Variants in KCNIP4 observed in about 807,000 individuals in gnomAD.
KCNIP4 encodes the protein potassium voltage-gated channel interacting protein 4, also known as Kv channel-interacting protein 4.
KCNIP4 carries 12 observed loss-of-function variants against 34.0 expected under a neutral mutation model. That is an observed-to-expected ratio of 0.35 (90% CI 0.23 to 0.57). The LOEUF (loss-of-function observed/expected upper bound fraction) is 0.57, where lower values mean the gene tolerates loss of function less well. Ranked by LOEUF, KCNIP4 falls within the 20% of genes least tolerant of loss-of-function variation. The probability of loss-of-function intolerance (pLI) is 0.83; values close to 1 mark genes in which losing one functional copy is unlikely to be tolerated. For missense variants in KCNIP4, 238 were observed against 311.7 expected (o/e 0.76, Z 1.78); for synonymous variants, 124 against 102.2 (o/e 1.21, Z -1.29).
chr4:21,629,849 C>CTTTTTTTTTTTTTTTTTTTTTTTTTTTTT (rs5856652), intron 1 of KCNIP4, among the ~76,000 whole-genome samples: 1 of 87,802 alleles, frequency 1.1e-5, no homozygotes, highest in Non-Finnish European at 2.0e-5. Flanking sequence ...CTTTTTCTTT[C>CTTTTTTTTTTTTTTTTTTTTTTTTTTTTT]TTTTTTTTTT....
At chr4:21,427,315 A>T (rs1387821736) in intron 1 of KCNIP4, among the ~76,000 whole-genome samples, 1 of 100,738 alleles carries the variant, frequency 9.9e-6, no homozygotes, top group Non-Finnish European at 2.1e-5. Flanking sequence ...ATAAATATGT[A>T]AAAAAAAAAA....
At chr4:20,754,719 T>A (rs983832451) in intron 4 of KCNIP4, among the ~76,000 whole-genome samples, 1 of 152,176 alleles carries the variant, frequency 6.6e-6, no homozygotes, top group Admixed American at 6.5e-5. Flanking sequence ...TCCCTTTGGA[T>A]TTTGTGATAG....
intron 1 of KCNIP4, among the ~76,000 whole-genome samples, chr4:21,130,315 T>C (rs1750964942): frequency 6.6e-6 from 1 of 152,204 alleles, no homozygotes; most frequent in Non-Finnish European, 1.5e-5. Flanking sequence ...CATAGCTGTG[T>C]TTGAGAATCA....
chr4:21,560,496 A>G (rs1739423153), intron 1 of KCNIP4, among the ~76,000 whole-genome samples: 1 of 152,100 alleles, frequency 6.6e-6, no homozygotes, highest in Non-Finnish European at 1.5e-5. Flanking sequence ...AAGCCAAATA[A>G]TCTTAGCACT....
At chr4:20,865,253 A>C (rs1722751941) in intron 2 of KCNIP4, among the ~76,000 whole-genome samples, 1 of 152,078 alleles carries the variant, frequency 6.6e-6, no homozygotes, top group African/African-American at 2.4e-5. Context: ...GGGAACATAA[A>C]GTTGAAAAAC....
chr4:21,686,884 G>C (rs1386313110), intron 1 of KCNIP4, among the ~76,000 whole-genome samples: 1 of 150,754 alleles, frequency 6.6e-6, no homozygotes, highest in Non-Finnish European at 1.5e-5. Context: ...GTTTATTGCG[G>C]CATTATTCAC....
chr4:21,197,160 G>A (rs1019803200), intron 1 of KCNIP4, among the ~76,000 whole-genome samples: 1 of 152,138 alleles, frequency 6.6e-6, no homozygotes, highest in Non-Finnish European at 1.5e-5. Context: ...TTCTATTGCA[G>A]TGGGTGTCTG....
intron 1 of KCNIP4, among the ~76,000 whole-genome samples, chr4:21,038,251 A>T (rs1489587844): frequency 6.6e-6 from 1 of 152,236 alleles, no homozygotes; most frequent in Non-Finnish European, 1.5e-5. Flanking sequence ...CTGGGATTAC[A>T]GGCGTGAGCC....
intron 1 of KCNIP4, among the ~76,000 whole-genome samples, chr4:21,546,970 A>T (rs1361576383): frequency 6.6e-6 from 1 of 152,178 alleles, no homozygotes; most frequent in Non-Finnish European, 1.5e-5. Flanking sequence ...TTATTTTACA[A>T]ATATCTACTC....
chr4:21,477,538 G>GT (rs1731087642), intron 1 of KCNIP4, among the ~76,000 whole-genome samples: 1 of 152,096 alleles, frequency 6.6e-6, no homozygotes, highest in Non-Finnish European at 1.5e-5. Flanking sequence ...ACTGATAAGC[G>GT]TATCATGGGG....
chr4:21,858,855 T>A (rs1724903790), intron 1 of KCNIP4, among the ~76,000 whole-genome samples: 1 of 152,238 alleles, frequency 6.6e-6, no homozygotes, highest in South Asian at 2.1e-4. Context: ...GGCTGTTAGC[T>A]GAAACCACAG....
At chr4:21,102,505 G>A (rs930215730) in intron 1 of KCNIP4, among the ~76,000 whole-genome samples, 1 of 152,036 alleles carries the variant, frequency 6.6e-6, no homozygotes, top group Non-Finnish European at 1.5e-5. Flanking sequence ...AGAACCATCT[G>A]GAATGCATCT....
intron 1 of KCNIP4, among the ~76,000 whole-genome samples, chr4:21,250,876 A>G (rs1240513612): frequency 6.6e-6 from 1 of 150,400 alleles, no homozygotes; most frequent in Admixed American, 6.7e-5. Flanking sequence ...AAATATATGT[A>G]ATATAAATAT....
intron 3 of KCNIP4, among the ~76,000 whole-genome samples, chr4:20,847,228 G>A (rs1720489769): frequency 6.6e-6 from 1 of 152,022 alleles, no homozygotes; most frequent in South Asian, 2.1e-4. Context: ...CCAGTTTATA[G>A]ACAAAGACAC....
chr4:20,812,354 G>A (rs1715876486), intron 3 of KCNIP4, among the ~76,000 whole-genome samples: 2 of 152,118 alleles, frequency 1.3e-5, no homozygotes, highest in South Asian at 4.2e-4. Flanking sequence ...TCGGTATTGG[G>A]AAGGAAGAGA....
intron 1 of KCNIP4, among the ~76,000 whole-genome samples, chr4:21,058,307 T>C (rs1332018039): frequency 6.6e-6 from 1 of 152,066 alleles, no homozygotes; most frequent in Non-Finnish European, 1.5e-5. Context: ...AAGAAGGACA[T>C]ATATCATCAT....
chr4:21,479,331 A>C (rs2109828718), intron 1 of KCNIP4, among the ~76,000 whole-genome samples: 1 of 152,320 alleles, frequency 6.6e-6, no homozygotes, highest in African/African-American at 2.4e-5. Flanking sequence ...AGCTAAAAAC[A>C]ATTTATTTAG....
At chr4:21,117,153 A>G (rs1020121852) in intron 1 of KCNIP4, among the ~76,000 whole-genome samples, 2 of 152,076 alleles carry the variant, frequency 1.3e-5, no homozygotes, top group Non-Finnish European at 2.9e-5. Flanking sequence ...GTTAATAAGC[A>G]TGGTTGCTAG....
At chr4:20,845,625 G>A (rs913383976) in intron 3 of KCNIP4, among the ~76,000 whole-genome samples, 2 of 152,144 alleles carry the variant, frequency 1.3e-5, no homozygotes, top group East Asian at 3.9e-4. Flanking sequence ...GAGGTGATGG[G>A]ATGAGATGCC....
Sources: allele counts gnomAD v4.1 joint callset (sites outside exome capture counted in the v4.1 genomes callset), GRCh38; gene constraint gnomAD v4.1.1; transcripts MANE v1.5; gene names NCBI Gene and HGNC (gene_info 2026-07-23, HGNC 2026-07-21).